LPAR1: variants seen among roughly 807,000 people sequenced by gnomAD.
LPAR1 encodes the protein LPA receptor 1.
LPAR1 carries 5 observed loss-of-function variants against 23.8 expected under a neutral mutation model. The observed-to-expected ratio is 0.21, with a 90% CI of 0.11 to 0.44. LPAR1 has a LOEUF of 0.44. LPAR1 is among the 20% of genes least tolerant of loss of function. LPAR1 has a pLI of 0.99. For missense variants in LPAR1, 311 were observed against 482.8 expected (o/e 0.64, Z 3.33); for synonymous variants, 160 against 164.7 (o/e 0.97, Z 0.22).
At chr9:110,876,559 G>A (rs1564336188) in intron 5 of LPAR1, among the ~76,000 whole-genome samples, 1 of 152,158 alleles carries the variant, frequency 6.6e-6, no homozygotes, top group Non-Finnish European at 1.5e-5. Context: ...CTGGCTCAAG[G>A]CCACAGTACT....
chr9:110,961,076 T>TA lies in LPAR1; in HGVS notation c.45+10996dup, dbSNP rs1554712634. Among the ~76,000 whole-genome samples the TA allele has an allele frequency of 9.2e-5, 14 of 151,408 alleles. No individual in the cohort carries two copies. The South Asian group carries it at 1.0e-3, about 11-fold the overall frequency. ...CTACCTTCCATTATTGTCCTTTTTT[T>TA]ATTACAAAACAGCTTATCTCTATAA... is the stretch of plus-strand genomic sequence containing the variant. On this transcript the variant is annotated intron_variant, in intron 4 of 5. Transcript: ENST00000683809.
chr9:111,009,478 A>G (rs1260813380), intron 2 of LPAR1, among the ~76,000 whole-genome samples: 1 of 152,140 alleles, frequency 6.6e-6, no homozygotes, highest in African/African-American at 2.4e-5. Flanking sequence ...AGCAATATAT[A>G]CTTGTGTCAT....
chr9:110,889,292 A>G (rs1041443129), intron 5 of LPAR1, among the ~76,000 whole-genome samples: 1 of 152,138 alleles, frequency 6.6e-6, no homozygotes, highest in Non-Finnish European at 1.5e-5. Context: ...CGGGAGGCGG[A>G]GCTTGCAGTG....
At chr9:110,931,154 T>C (rs771761444) in intron 5 of LPAR1, among the ~76,000 whole-genome samples, 43 of 152,200 alleles carry the variant, frequency 2.8e-4, no homozygotes, top group Non-Finnish European at 5.1e-4. Context: ...AATAATTCCT[T>C]TGCCTAGGCT....
intron 5 of LPAR1, among the ~76,000 whole-genome samples, chr9:110,889,115 A>C (rs2083282663): frequency 1.3e-5 from 2 of 152,206 alleles, no homozygotes; most frequent in Non-Finnish European, 2.9e-5. Flanking sequence ...TAATCCCAGC[A>C]CTTTGGGAGG....
chr9:110,877,522 G>A (rs957333044), intron 5 of LPAR1, among the ~76,000 whole-genome samples: 4 of 152,106 alleles, frequency 2.6e-5, no homozygotes, highest in African/African-American at 4.8e-5. Context: ...TAAACATAAA[G>A]GAAAATCAAA....
At chr9:111,011,211 C>T (rs1415100133) in intron 2 of LPAR1, among the ~76,000 whole-genome samples, 1 of 152,124 alleles carries the variant, frequency 6.6e-6, no homozygotes, top group Non-Finnish European at 1.5e-5. Flanking sequence ...ATTTCAGCCT[C>T]GAATTCGTGT....
chr9:110,909,409 T>C (rs895538901), intron 5 of LPAR1, among the ~76,000 whole-genome samples: 2 of 152,296 alleles, frequency 1.3e-5, no homozygotes. Flanking sequence ...ATCTCAGTGA[T>C]TGACTTTCAG....
intron 2 of LPAR1, among the ~76,000 whole-genome samples, chr9:111,007,204 C>T (rs1484373638): frequency 6.6e-6 from 1 of 151,992 alleles, no homozygotes; most frequent in South Asian, 2.1e-4. Context: ...CTGTAGAGCC[C>T]GCAGAATTGT....
intron 5 of LPAR1, among the ~76,000 whole-genome samples, chr9:110,910,599 T>G (rs1003672999): frequency 6.6e-6 from 1 of 152,216 alleles, no homozygotes; most frequent in African/African-American, 2.4e-5. Context: ...CCATAGATAG[T>G]GATTTCTCTG....
intron 5 of LPAR1, among the ~76,000 whole-genome samples, chr9:110,876,101 A>G (rs1238519647): frequency 6.6e-6 from 1 of 152,222 alleles, no homozygotes; most frequent in Non-Finnish European, 1.5e-5. Context: ...AGCACGAATG[A>G]TAAGTGTCCT....
intron 5 of LPAR1, among the ~76,000 whole-genome samples, chr9:110,885,028 CTGTT>C (rs759975548): frequency 2.8e-4 from 43 of 152,010 alleles, no homozygotes; most frequent in Non-Finnish European, 5.1e-4. Context: ...TTTGGTTTGT[CTGTT>C]TATTAGTAAT....
At chr9:111,016,290 G>T (rs987545175) in intron 2 of LPAR1, among the ~76,000 whole-genome samples, 4 of 152,100 alleles carry the variant, frequency 2.6e-5, no homozygotes, top group Non-Finnish European at 5.9e-5. Context: ...GACCAACCAG[G>T]TATCATAAAT....
intron 5 of LPAR1, among the ~76,000 whole-genome samples, chr9:110,908,900 G>A (rs2091900773): frequency 6.6e-6 from 1 of 152,166 alleles, no homozygotes; most frequent in African/African-American, 2.4e-5. Flanking sequence ...TCCATAGACT[G>A]TTCTTTTGGA....
chr9:110,922,553 T>C (rs1418465966), intron 5 of LPAR1, among the ~76,000 whole-genome samples: 2 of 152,100 alleles, frequency 1.3e-5, no homozygotes, highest in Non-Finnish European at 2.9e-5. Flanking sequence ...ATGGTTTTGT[T>C]TTACAAAATG....
chr9:111,029,694 A>G (rs10817133), intron 2 of LPAR1, among the ~76,000 whole-genome samples: 40,798 of 151,808 alleles, frequency 0.27, 5,878 homozygotes, highest in East Asian at 0.61. Context: ...TTGAGTCCAT[A>G]TCGCTCCATG....
chr9:110,939,682 TCAGTA>T (rs59839765), intron 5 of LPAR1, among the ~76,000 whole-genome samples: 24,989 of 152,014 alleles, frequency 0.16, 2,181 homozygotes, highest in South Asian at 0.24. Flanking sequence ...TGTGAATCAT[TCAGTA>T]CATTGCACAC....
At chr9:111,020,074 C>T (rs189891144) in intron 2 of LPAR1, among the ~76,000 whole-genome samples, 11 of 152,212 alleles carry the variant, frequency 7.2e-5, no homozygotes, top group Admixed American at 7.2e-4. Context: ...GCCACCAATC[C>T]TATCAGATTA....
In LPAR1 at chr9:110,959,860, G is replaced by C. The variant is rs182120639; in HGVS notation, c.45+12213C>G. 2.6e-5 allele frequency among the ~76,000 whole-genome samples: 4 copies of C among 152,140 alleles called. No homozygotes were observed. In the East Asian group the frequency reaches 7.7e-4, roughly 29 times the overall value. ...TCAGTTGCAGCAACACGAATGGAGT[G>C]GGGGGCAGTCCTTATATTAAGCGAA... On this transcript the variant is annotated intron_variant, in intron 4 of 5. Coordinates refer to ENST00000683809, the MANE Select transcript of LPAR1 (RefSeq NM_001351411.2).
Sources: allele counts gnomAD v4.1 joint callset (sites outside exome capture counted in the v4.1 genomes callset), GRCh38; gene constraint gnomAD v4.1.1; transcripts MANE v1.5; gene names NCBI Gene and HGNC (gene_info 2026-07-23, HGNC 2026-07-21).